The following PARD3 variants were observed in gnomAD, a reference collection of about 807,000 sequenced individuals.
The protein encoded by PARD3 is par-3 family cell polarity regulator, also known as partitioning defective 3 homolog.
PARD3 carries 75 observed loss-of-function variants against 155.4 expected under a neutral mutation model. That is an observed-to-expected ratio of 0.48 (90% CI 0.40 to 0.58). PARD3 has a LOEUF of 0.58. Ranked by LOEUF, PARD3 falls within the 20% of genes least tolerant of loss-of-function variation. PARD3 has a pLI of 0.00. For missense variants in PARD3, 1,642 were observed against 1,721.7 expected (o/e 0.95, Z 0.82); for synonymous variants, 576 against 610.5 (o/e 0.94, Z 0.83).
chr10:34,712,558 C>A (rs1230706370), intron 1 of PARD3, among the ~76,000 whole-genome samples: 1 of 152,198 alleles, frequency 6.6e-6, no homozygotes, highest in African/African-American at 2.4e-5. Context: ...CTGAGATCAA[C>A]ACCACATAAT....
chr10:34,808,407 T>C (rs1305567749), intron 1 of PARD3, among the ~76,000 whole-genome samples: 1 of 152,166 alleles, frequency 6.6e-6, no homozygotes, highest in East Asian at 1.9e-4. Context: ...AACTCGGCAT[T>C]TATTTTGATA....
At chr10:34,171,012 G>C (rs962058467) in intron 22 of PARD3, among the ~76,000 whole-genome samples, 6 of 152,128 alleles carry the variant, frequency 3.9e-5, no homozygotes, top group African/African-American at 9.6e-5. Context: ...CTAAATTTAG[G>C]GATAGATGTC....
At chr10:34,123,176 C>CTA (rs1947097554) in intron 23 of PARD3, among the ~76,000 whole-genome samples, 1 of 152,118 alleles carries the variant, frequency 6.6e-6, no homozygotes, top group South Asian at 2.1e-4. Flanking sequence ...GCCATAATAA[C>CTA]AATAGAGATT....
intron 22 of PARD3, among the ~76,000 whole-genome samples, chr10:34,217,835 C>G (rs541565936): frequency 6.6e-6 from 1 of 152,024 alleles, no homozygotes; most frequent in Non-Finnish European, 1.5e-5. Flanking sequence ...CCTCCCTCTG[C>G]GACTCTAAAG....
intron 22 of PARD3, among the ~76,000 whole-genome samples, chr10:34,171,786 C>T (rs1012629334): frequency 1.3e-5 from 2 of 151,510 alleles, no homozygotes; most frequent in African/African-American, 4.9e-5. Context: ...CCCGTTTCTA[C>T]TAAAAATATA....
At position 34,689,551 on chromosome 10, in the gene PARD3, T is replaced by C. The variant is rs139512511; in HGVS notation, c.222+6767A>G. ...TATAAGGTGCTCTAGCATTTTTCTA[T>C]TTGGAAACTGATTTCAATCAACATG... On this transcript the variant is annotated intron_variant, in intron 2 of 24. Coordinates refer to ENST00000374788, the MANE Select transcript of PARD3 (RefSeq NM_001184785.2). Among the ~76,000 whole-genome samples the C allele has an allele frequency of 6.1e-4, 93 of 152,322 alleles. No individual in the cohort carries two copies. The East Asian group carries it at 0.013, about 22-fold the overall frequency.
At chr10:34,736,324 C>A (rs1187476557) in intron 1 of PARD3, among the ~76,000 whole-genome samples, 6 of 144,518 alleles carry the variant, frequency 4.2e-5, no homozygotes, top group Non-Finnish European at 9.0e-5. Flanking sequence ...GCCACTGCGC[C>A]TGGCCCTTTT....
intron 2 of PARD3, among the ~76,000 whole-genome samples, chr10:34,692,127 G>A (rs2133438758): frequency 6.6e-6 from 1 of 152,100 alleles, no homozygotes; most frequent in South Asian, 2.1e-4. Flanking sequence ...AGCTACTCAG[G>A]AGGCTGAGGC....
chr10:34,673,386 ACTT>A, intron 2 of PARD3, among the ~76,000 whole-genome samples: 2 of 152,322 alleles, frequency 1.3e-5, no homozygotes, highest in Non-Finnish European at 2.9e-5. Flanking sequence ...ATAAAGCTAA[ACTT>A]AATTATTTCA....
chr10:34,324,154 A>G (rs1958541210), intron 19 of PARD3, among the ~76,000 whole-genome samples: 1 of 152,236 alleles, frequency 6.6e-6, no homozygotes, highest in Admixed American at 6.5e-5. Flanking sequence ...AAAAATTAAC[A>G]GCATAAAAAT....
intron 22 of PARD3, among the ~76,000 whole-genome samples, chr10:34,177,318 C>T (rs1366039627): frequency 1.3e-5 from 2 of 152,150 alleles, no homozygotes; most frequent in African/African-American, 4.8e-5. Context: ...AGCCCCTCCT[C>T]ATCTCCCTAT....
chr10:34,407,119 G>A (rs753174626), intron 5 of PARD3, among the ~76,000 whole-genome samples: 6 of 152,120 alleles, frequency 3.9e-5, no homozygotes, highest in Non-Finnish European at 7.4e-5. Context: ...GGAGAAAGAC[G>A]GGAACAGTGG....
At chr10:34,341,530 T>C in intron 16 of PARD3, 97 bp downstream of exon 16, 2 of 856,018 alleles carry the variant, frequency 2.3e-6, no homozygotes, top group Non-Finnish European at 3.6e-6. Context: ...GACAGAGCTA[T>C]TAAAAAAATG....
intron 22 of PARD3, among the ~76,000 whole-genome samples, chr10:34,254,251 G>T (rs771124254): frequency 6.6e-6 from 1 of 151,936 alleles, no homozygotes; most frequent in South Asian, 2.1e-4. Context: ...ATGGTGGCAC[G>T]TGCTGTAGTC....
chr10:34,640,163 T>C (rs1397108820), intron 2 of PARD3, among the ~76,000 whole-genome samples: 2 of 152,142 alleles, frequency 1.3e-5, no homozygotes, highest in African/African-American at 2.4e-5. Flanking sequence ...CATGACACAG[T>C]GAGGCCCACA....
chr10:34,457,642 C>T (rs936694498), intron 4 of PARD3, among the ~76,000 whole-genome samples: 36 of 152,124 alleles, frequency 2.4e-4, no homozygotes, highest in African/African-American at 8.0e-4. Flanking sequence ...ACTCTGTCAT[C>T]CAGGTTGGAG....
chr10:34,219,188 C>A (rs1952154968), intron 22 of PARD3, among the ~76,000 whole-genome samples: 1 of 152,050 alleles, frequency 6.6e-6, no homozygotes, highest in Non-Finnish European at 1.5e-5. Flanking sequence ...TAATCTCAGC[C>A]TCCCTCTTTT....
chr10:34,236,285 A>T (rs1953228304), intron 22 of PARD3, among the ~76,000 whole-genome samples: 1 of 152,166 alleles, frequency 6.6e-6, no homozygotes, highest in South Asian at 2.1e-4. Context: ...GACACCATTT[A>T]CTGGGCTAAA....
At chr10:34,768,009 T>C (rs1291504419) in intron 1 of PARD3, among the ~76,000 whole-genome samples, 1 of 152,168 alleles carries the variant, frequency 6.6e-6, no homozygotes, top group Non-Finnish European at 1.5e-5. Flanking sequence ...GAGTTTGTTT[T>C]CAAAAACATA....
Sources: allele counts gnomAD v4.1 joint callset (sites outside exome capture counted in the v4.1 genomes callset), GRCh38; gene constraint gnomAD v4.1.1; transcripts MANE v1.5; gene names NCBI Gene and HGNC (gene_info 2026-07-23, HGNC 2026-07-21).